Variants in RASA1 observed in about 807,000 individuals in gnomAD.
The protein encoded by RASA1 is ras GTPase-activating protein 1.
In RASA1, 25 loss-of-function variants were observed where a neutral mutation model predicts 132.2. The ratio of observed to expected loss-of-function variants is 0.19; its 90% confidence interval spans 0.14 to 0.26. RASA1 has a LOEUF of 0.26. RASA1 is among the 10% of genes least tolerant of loss of function. RASA1 has a pLI of 1.00. For synonymous variants in RASA1, 477 were observed against 449.9 expected (o/e 1.06, Z -0.76); for missense variants, 964 against 1,299.2 (o/e 0.74, Z 3.97).
At chr5:87,381,458 T>C (rs1206827088) in intron 20 of RASA1, among the ~76,000 whole-genome samples, 1 of 152,240 alleles carries the variant, frequency 6.6e-6, no homozygotes, top group Non-Finnish European at 1.5e-5. Flanking sequence ...ATTTAGAATA[T>C]ACACTGTCAT....
chr5:87,307,462 A>AAAC (rs139386250), intron 1 of RASA1, among the ~76,000 whole-genome samples: 222 of 151,078 alleles, frequency 1.5e-3, no homozygotes, highest in Middle Eastern at 3.4e-3. Flanking sequence ...CTCTGTCTCA[A>AAAC]AACAACAACA....
At chr5:87,333,360 G>T in intron 4 of RASA1, 23 bp downstream of exon 4, 1 of 1,610,872 alleles carries the variant, frequency 6.2e-7, no homozygotes, top group Non-Finnish European at 8.5e-7. Flanking sequence ...CTATTCTCAT[G>T]TATAGGCATT....
intron 1 of RASA1, among the ~76,000 whole-genome samples, chr5:87,271,192 C>G (rs1292647107): frequency 6.6e-6 from 1 of 151,992 alleles, no homozygotes; most frequent in African/African-American, 2.4e-5. Context: ...GAGCCGAGAT[C>G]CTGCCATTGC....
At position 87,379,849 on chromosome 5, in the gene RASA1, C is replaced by A; in HGVS notation, c.2602C>A (p.Pro868Thr). The stretch of plus-strand genomic sequence containing the variant: ...ATTCATGGCTTCAGAAATACTTCCA[C>A]CGTAAGTGGTGAAATTTTCATTTGA... ...KIFMASEILP[P>T]TLRYIYGCLQ... Residue 868 changes from proline to threonine, a missense_variant and splice_region_variant, in exon 19 of 25, where the codon CCG (proline) becomes ACG (threonine). Around this residue, in one of 6 missense-constraint regions of RASA1, gnomAD observed 346 missense variants for 520.1 expected, o/e 0.67. Coordinates refer to ENST00000274376, the MANE Select transcript of RASA1 (RefSeq NM_002890.3). 6.2e-7 allele frequency: 1 copy of A among 1,611,860 alleles called. No individual in the cohort carries two copies. Among genetic ancestry groups the A allele is most frequent in the Non-Finnish European group, 8.5e-7 (1 of 1,178,476 alleles).
At chr5:87,348,440 T>A (rs1473426708) in intron 7 of RASA1, among the ~76,000 whole-genome samples, 1 of 152,022 alleles carries the variant, frequency 6.6e-6, no homozygotes, top group Admixed American at 6.6e-5. Flanking sequence ...ATCAAAGATA[T>A]CAGAAATACT....
rs141908216 is a variant in RASA1 at position 87,289,274 on chromosome 5, C to G, written c.539+20284C>G. 7.5e-3 allele frequency among the ~76,000 whole-genome samples: 1,142 copies of G among 152,160 alleles called. 17 individuals carry two copies. The highest frequency in any genetic ancestry group is 0.027 in the African/African-American group (1,104 of 41,496). On this transcript the variant is annotated intron_variant, in intron 1 of 24. Coordinates refer to ENST00000274376, the MANE Select transcript of RASA1 (RefSeq NM_002890.3). Reference sequence around the variant, plus strand: ...CTCAGTACATAAGGGCACATGACGTCAATTATCCTATTGATGATGTACCTA... The same window carrying G: ...CTCAGTACATAAGGGCACATGACGTGAATTATCCTATTGATGATGTACCTA...
chr5:87,354,486 C>T (rs965485951), intron 9 of RASA1, among the ~76,000 whole-genome samples: 2 of 152,120 alleles, frequency 1.3e-5, no homozygotes, highest in African/African-American at 2.4e-5. Context: ...CTGAAGAAGA[C>T]TGCAAGCTTA....
intron 1 of RASA1, among the ~76,000 whole-genome samples, chr5:87,273,563 T>A: frequency 6.6e-6 from 1 of 152,178 alleles, no homozygotes; most frequent in East Asian, 1.9e-4. Flanking sequence ...TAGAGATTTT[T>A]AACTGTGAGT....
At chr5:87,269,103 T>C (rs773293573) in intron 1 of RASA1, 113 bp downstream of exon 1, 2 of 1,613,778 alleles carry the variant, frequency 1.2e-6, no homozygotes, top group Admixed American at 3.3e-5. Context: ...AGGAAAAGTT[T>C]TTGAAGTTTC....
chr5:87,377,489 C>T (rs1240408492), intron 17 of RASA1, among the ~76,000 whole-genome samples: 4 of 152,112 alleles, frequency 2.6e-5, no homozygotes, highest in African/African-American at 9.7e-5. Flanking sequence ...TGCCACCACA[C>T]CCAGCTAATT....
intron 5 of RASA1, among the ~76,000 whole-genome samples, chr5:87,338,700 T>G (rs558133639): frequency 1.3e-5 from 2 of 151,132 alleles, no homozygotes; most frequent in African/African-American, 4.8e-5. Context: ...TTCTTTTTTT[T>G]GCCGTCCTTT....
At chr5:87,296,907 A>G (rs1755145001) in intron 1 of RASA1, among the ~76,000 whole-genome samples, 1 of 151,900 alleles carries the variant, frequency 6.6e-6, no homozygotes, top group South Asian at 2.1e-4. Flanking sequence ...TATTTAAGTT[A>G]CACCTTTTTT....
At chr5:87,331,975 TTGTATTGTTTCATTTTTATAGA>T (rs1464025106) in intron 2 of RASA1, among the ~76,000 whole-genome samples, 1 of 152,142 alleles carries the variant, frequency 6.6e-6, no homozygotes, top group Non-Finnish European at 1.5e-5. Context: ...TTTACCCATA[TTGTATTGTTTCATTTTTATAGA>T]AGAAATTGAA....
In RASA1 at chr5:87,320,617, G is replaced by C. The variant is rs185824340; in HGVS notation, c.540-10731G>C. 1.7e-3 allele frequency among the ~76,000 whole-genome samples: 253 copies of C among 152,258 alleles called. 1 individual carries two copies. Among genetic ancestry groups the C allele is most frequent in the Middle Eastern group, 6.8e-3 (2 of 294 alleles). On this transcript the variant is annotated intron_variant, in intron 1 of 24. Coordinates refer to ENST00000274376, the MANE Select transcript of RASA1 (RefSeq NM_002890.3). ...ATCTTGCGGGAATTTACTATCACGA[G>C]AACAGCAAGGGGAAATTTGCCTTCA...
intron 8 of RASA1, 26 bp downstream of exon 8, chr5:87,349,390 T>TC: frequency 1.2e-6 from 2 of 1,609,592 alleles, no homozygotes; most frequent in East Asian, 4.5e-5. Context: ...TTAGCTATCT[T>TC]TTACTTTTCG....
chr5:87,366,711 A>C (rs1300930074), intron 11 of RASA1, among the ~76,000 whole-genome samples: 2 of 152,188 alleles, frequency 1.3e-5, no homozygotes, highest in Non-Finnish European at 2.9e-5. Context: ...TGAGAACTAA[A>C]CTCAAGTCTC....
intron 8 of RASA1, among the ~76,000 whole-genome samples, chr5:87,349,753 T>C (rs557937676): frequency 2.0e-5 from 3 of 152,058 alleles, no homozygotes; most frequent in East Asian, 3.9e-4. Context: ...CTGAGACTTA[T>C]TATACAGATG....
rs1337072133 is a variant in RASA1, at chr5:87,268,361, C to T, written c.-91C>T. 1.4e-6 allele frequency: 2 copies of T among 1,407,834 alleles called. No homozygotes were observed. Among genetic ancestry groups the T allele is most frequent in the African/African-American group, 1.5e-5 (1 of 68,590 alleles). The allele number at this position is 1,407,834 out of a possible 1,614,324, so 87.2% of individuals were successfully genotyped here. On this transcript the variant is annotated 5_prime_UTR_variant, in exon 1 of 25. The change creates a new upstream start codon in the 5' untranslated region. Transcript: ENST00000274376. Reference sequence around the variant, plus strand: ...TCAGCCTGGGGAGCTGAAGGGGAGACGCGTCTGGGTGGGGCTGCTCGGAGC... The same window carrying T: ...TCAGCCTGGGGAGCTGAAGGGGAGATGCGTCTGGGTGGGGCTGCTCGGAGC...
In RASA1 at chr5:87,331,309, G is replaced by A. The variant is rs746853553; in HGVS notation, c.540-39G>A. The A allele has an allele frequency of 1.0e-5, 16 of 1,552,960 alleles. No homozygotes were observed. In the East Asian group the frequency reaches 3.6e-4, roughly 35 times the overall value. On this transcript the variant is annotated intron_variant, in intron 1 of 24. Coordinates refer to ENST00000274376, the MANE Select transcript of RASA1 (RefSeq NM_002890.3). The stretch of plus-strand genomic sequence containing the variant: ...AAGTGTCCATAGAAATTCTGCACTT[G>A]CTATTTATATTGTAATATCTTCTCT...
Sources: allele counts gnomAD v4.1 joint callset (sites outside exome capture counted in the v4.1 genomes callset), GRCh38; gene constraint gnomAD v4.1.1; regional missense constraint gnomAD v4.1.1; transcripts MANE v1.5; gene names NCBI Gene and HGNC (gene_info 2026-07-23, HGNC 2026-07-21).